The following DPP10 variants were observed in gnomAD, a reference collection of about 807,000 sequenced individuals.
DPP10 encodes the protein inactive dipeptidyl peptidase 10.
Under a neutral mutation model 120.9 loss-of-function variants are expected in DPP10, and 33 were observed. That is an observed-to-expected ratio of 0.27 (90% confidence interval 0.21 to 0.37). DPP10 has a LOEUF of 0.37. Among genes scored for constraint, DPP10 ranks in the 10% least tolerant of loss-of-function variants. DPP10 has a pLI of 1.00. For missense variants in DPP10, 816 were observed against 942.8 expected (o/e 0.87, Z 1.76); for synonymous variants, 337 against 326.1 (o/e 1.03, Z -0.36).
chr2:114,793,044 C>T (rs556314527), intron 1 of DPP10, among the ~76,000 whole-genome samples: 4 of 148,218 alleles, frequency 2.7e-5, no homozygotes, highest in African/African-American at 7.6e-5. Context: ...CTATTAATAT[C>T]GTTGTTTATT....
chr2:115,343,725 A>AT (rs749649241), intron 2 of DPP10, 92 bp from the exon 3 acceptor site: 274 of 801,526 alleles, frequency 3.4e-4, no homozygotes, highest in Non-Finnish European at 5.2e-4. Context: ...TAGTTAATAT[A>AT]TTTTAGAGCA....
intron 19 of DPP10, among the ~76,000 whole-genome samples, chr2:115,803,273 C>T (rs185229814): frequency 0.018 from 2,771 of 151,662 alleles, 84 homozygotes; most frequent in African/African-American, 0.061. Context: ...TTTTTGTTTT[C>T]CATTTTCTTG....
At chr2:115,537,533 G>T (rs1179333710) in intron 5 of DPP10, among the ~76,000 whole-genome samples, 1 of 148,036 alleles carries the variant, frequency 6.8e-6, no homozygotes. Flanking sequence ...CATAGTTATT[G>T]CACCCTGACT....
intron 1 of DPP10, among the ~76,000 whole-genome samples, chr2:115,270,732 G>A (rs2059663828): frequency 6.6e-6 from 1 of 152,152 alleles, no homozygotes; most frequent in Non-Finnish European, 1.5e-5. Flanking sequence ...TGACACACAT[G>A]CTCATTGCAG....
chr2:114,572,630 TA>T (rs1430680388), intron 1 of DPP10, among the ~76,000 whole-genome samples: 2 of 151,996 alleles, frequency 1.3e-5, no homozygotes, highest in Non-Finnish European at 2.9e-5. Flanking sequence ...GGGAAAGGAG[TA>T]AACCTACAGC....
chr2:114,942,951 C>T (rs1053136637), intron 1 of DPP10, among the ~76,000 whole-genome samples: 3 of 152,064 alleles, frequency 2.0e-5, no homozygotes, highest in African/African-American at 7.2e-5. Context: ...GCGGAACATG[C>T]AGGTTTCTTA....
chr2:115,408,638 CA>C (rs1222197613), intron 3 of DPP10, among the ~76,000 whole-genome samples: 1 of 152,172 alleles, frequency 6.6e-6, no homozygotes, highest in East Asian at 1.9e-4. Flanking sequence ...GATCCCAATA[CA>C]ATTCTATTAG....
intron 1 of DPP10, among the ~76,000 whole-genome samples, chr2:114,896,158 C>A (rs559924327): frequency 5.7e-4 from 87 of 152,252 alleles, no homozygotes; most frequent in Non-Finnish European, 9.6e-4. Context: ...AGTTTGAAGT[C>A]AGGTAGCGTG....
intron 5 of DPP10, among the ~76,000 whole-genome samples, chr2:115,571,252 T>C (rs2081320676): frequency 6.6e-6 from 1 of 152,174 alleles, no homozygotes; most frequent in Non-Finnish European, 1.5e-5. Context: ...TTATTTTGGA[T>C]TCAGGGAGTA....
rs575856992 is a variant in DPP10 at position 115,072,203 on chromosome 2, G to A, written c.61-237036G>A. Among the ~76,000 whole-genome samples, 71 of 152,192 alleles carry A rather than the reference G, an allele frequency of 4.7e-4. 1 individual carries two copies. Among genetic ancestry groups the A allele is most frequent in the African/African-American group, 1.1e-3 (45 of 41,536 alleles). On this transcript the variant is annotated intron_variant, in intron 1 of 25. Transcript: ENST00000410059. ...TAAAAAGCACATATATCACCTGATG[G>A]TTATCTGAACGAGAGCCCGACTGAA...
intron 1 of DPP10, among the ~76,000 whole-genome samples, chr2:114,932,916 C>A (rs1696187294): frequency 6.6e-6 from 1 of 152,160 alleles, no homozygotes; most frequent in African/African-American, 2.4e-5. Context: ...CATCACCTAA[C>A]CCGGGGCAAT....
Position 115,533,033 on chromosome 2 carries a change from A to T in DPP10, c.441+7061A>T, listed in dbSNP as rs187472212. On this transcript the variant is annotated intron_variant, in intron 5 of 25. Transcript: ENST00000410059. Reference sequence around the variant, plus strand: ...GAAGTAAGGAGAAATCAATTTTTTTAAAATTTTTAAACAAATTTATAGTTT... The same window carrying T: ...GAAGTAAGGAGAAATCAATTTTTTTTAAATTTTTAAACAAATTTATAGTTT... Among the ~76,000 whole-genome samples the T allele has an allele frequency of 4.3e-3, 648 of 152,142 alleles. 3 individuals are homozygous for T. Among genetic ancestry groups the T allele is most frequent in the African/African-American group, 0.014 (592 of 41,556 alleles).
intron 1 of DPP10, among the ~76,000 whole-genome samples, chr2:115,179,561 C>A (rs552001471): frequency 6.7e-4 from 102 of 152,176 alleles, no homozygotes; most frequent in Middle Eastern, 6.8e-3. Flanking sequence ...CAGCAAACCA[C>A]CCTCTCAGTG....
chr2:114,495,023 T>C (rs1682383258), intron 1 of DPP10, among the ~76,000 whole-genome samples: 1 of 152,096 alleles, frequency 6.6e-6, no homozygotes, highest in African/African-American at 2.4e-5. Context: ...TTTAAAAAAA[T>C]CTGTCTAAGT....
intron 4 of DPP10, among the ~76,000 whole-genome samples, chr2:115,503,501 G>C (rs1229543024): frequency 2.0e-5 from 3 of 152,096 alleles, no homozygotes; most frequent in African/African-American, 7.2e-5. Context: ...ACTGAACAAA[G>C]GCACCGACAA....
At chr2:115,193,400 G>T (rs2055022808) in intron 1 of DPP10, among the ~76,000 whole-genome samples, 1 of 152,156 alleles carries the variant, frequency 6.6e-6, no homozygotes, top group African/African-American at 2.4e-5. Context: ...CAGATTAGAA[G>T]TTAGGATAAT....
chr2:114,990,044 A>G (rs1185904910), intron 1 of DPP10, among the ~76,000 whole-genome samples: 6 of 152,122 alleles, frequency 3.9e-5, no homozygotes, highest in Non-Finnish European at 8.8e-5. Flanking sequence ...TTCCTTGTAA[A>G]CTGTACTTTT....
intron 19 of DPP10, among the ~76,000 whole-genome samples, chr2:115,805,377 C>T (rs1460374658): frequency 6.6e-6 from 1 of 152,114 alleles, no homozygotes; most frequent in African/African-American, 2.4e-5. Context: ...CCTTGCGCTT[C>T]CCGGGTGAGG....
intron 1 of DPP10, among the ~76,000 whole-genome samples, chr2:114,583,676 AG>A (rs1690720833): frequency 6.6e-6 from 1 of 152,204 alleles, no homozygotes; most frequent in African/African-American, 2.4e-5. Context: ...ATAATATTTA[AG>A]GTGAATTTAT....
Sources: gnomAD v4.1 joint callset for allele counts (sites outside exome capture counted in the v4.1 genomes callset) on GRCh38, gnomAD v4.1.1 for gene constraint, MANE v1.5 for transcripts, NCBI Gene and HGNC (gene_info 2026-07-23, HGNC 2026-07-21) for gene names.